Variants in SIPA1L3 observed in about 807,000 individuals in gnomAD.
SIPA1L3 encodes the protein signal-induced proliferation-associated 1-like protein 3.
SIPA1L3 carries 59 observed loss-of-function variants against 150.1 expected under a neutral mutation model. The observed-to-expected ratio is 0.39, with a 90% CI of 0.32 to 0.49. The LOEUF (loss-of-function observed/expected upper bound fraction) is 0.49. Ranked by LOEUF, SIPA1L3 falls within the 20% of genes least tolerant of loss-of-function variation. The pLI, the probability that SIPA1L3 is intolerant of heterozygous loss-of-function variation, is 0.86. For missense variants in SIPA1L3, 2,211 were observed against 2,489.5 expected (o/e 0.89, Z 2.38); for synonymous variants, 1,070 against 1,077.6 (o/e 0.99, Z 0.14).
intron 1 of SIPA1L3, among the ~76,000 whole-genome samples, chr19:37,931,090 C>G (rs8113521): frequency 0.38 from 57,551 of 152,040 alleles, 13,727 homozygotes; most frequent in East Asian, 0.71. Context: ...AATTTAAACT[C>G]TGACCTGAGC....
At chr19:38,087,549 G>T (rs370383317) in intron 3 of SIPA1L3, among the ~76,000 whole-genome samples, 1 of 152,080 alleles carries the variant, frequency 6.6e-6, no homozygotes, top group African/African-American at 2.4e-5. Context: ...GACCGCTGGC[G>T]GATACCCACA....
intron 10 of SIPA1L3, among the ~76,000 whole-genome samples, chr19:38,135,971 A>T (rs148662631): frequency 5.3e-5 from 8 of 151,942 alleles, no homozygotes; most frequent in Non-Finnish European, 1.2e-4. Context: ...CGCTGACCCC[A>T]TGCTCTCAGA....
At chr19:38,163,701 A>G (rs950759132) in intron 14 of SIPA1L3, among the ~76,000 whole-genome samples, 4 of 152,076 alleles carry the variant, frequency 2.6e-5, no homozygotes, top group East Asian at 1.9e-4. Flanking sequence ...AGTGCCCAGT[A>G]TGTTCCGAGA....
intron 13 of SIPA1L3, among the ~76,000 whole-genome samples, chr19:38,157,700 A>G (rs1296131665): frequency 1.3e-5 from 2 of 152,148 alleles, no homozygotes; most frequent in Non-Finnish European, 2.9e-5. Context: ...GAACTAGGGG[A>G]CAGGATCAGG....
At chr19:37,938,078 A>G (rs943119176) in intron 1 of SIPA1L3, among the ~76,000 whole-genome samples, 1 of 152,110 alleles carries the variant, frequency 6.6e-6, no homozygotes, top group Non-Finnish European at 1.5e-5. Flanking sequence ...TATACTGTAC[A>G]TAGTTTTCTG....
intron 1 of SIPA1L3, among the ~76,000 whole-genome samples, chr19:37,967,378 CG>C (rs1447224059): frequency 2.6e-5 from 4 of 151,898 alleles, no homozygotes; most frequent in African/African-American, 9.7e-5. Context: ...CTCAGCCTCC[CG>C]AGTAGCTGGG....
At chr19:38,151,086 C>A (rs1315739482) in intron 12 of SIPA1L3, among the ~76,000 whole-genome samples, 1 of 152,200 alleles carries the variant, frequency 6.6e-6, no homozygotes, top group Non-Finnish European at 1.5e-5. Flanking sequence ...GTCTTACCTG[C>A]AGCCTGGTAG....
At chr19:38,141,734 A>G (rs1971591088) in intron 11 of SIPA1L3, among the ~76,000 whole-genome samples, 1 of 152,148 alleles carries the variant, frequency 6.6e-6, no homozygotes, top group Admixed American at 6.5e-5. Flanking sequence ...TGTAATCCCA[A>G]CATTTTGGGA....
At chr19:38,073,497 T>C (rs1969768622) in intron 2 of SIPA1L3, among the ~76,000 whole-genome samples, 1 of 152,208 alleles carries the variant, frequency 6.6e-6, no homozygotes, top group African/African-American at 2.4e-5. Flanking sequence ...TTTGCTGCTG[T>C]CTCCCAGGCT....
At chr19:38,050,317 G>C (rs539392687) in intron 2 of SIPA1L3, among the ~76,000 whole-genome samples, 1 of 152,026 alleles carries the variant, frequency 6.6e-6, no homozygotes, top group African/African-American at 2.4e-5. Flanking sequence ...TTAGCCCGAC[G>C]TGGTGGCGCA....
intron 6 of SIPA1L3, among the ~76,000 whole-genome samples, chr19:38,105,701 T>G (rs1317680898): frequency 6.6e-6 from 1 of 152,192 alleles, no homozygotes; most frequent in Non-Finnish European, 1.5e-5. Context: ...TGTCAGCATC[T>G]TTCACTCAAC....
Position 38,082,594 on chromosome 19 carries a change from C to T in SIPA1L3, c.1029C>T (p.Phe343=). 2 of 1,604,068 alleles carry T rather than the reference C, an allele frequency of 1.2e-6. No homozygotes were observed. The highest frequency in any genetic ancestry group is 8.5e-7 in the Non-Finnish European group (1 of 1,179,698). The part of the protein sequence containing the change: ...PWVCQKSFAH[F]DVQSMLFDLN... ...TGTGTCAGAAGAGCTTCGCCCACTT[C>T]GACGTGCAGAGCATGCTGTTCGACC... is the stretch of plus-strand genomic sequence containing the variant. Residue 343 remains phenylalanine (F), a synonymous_variant, in exon 3 of 22, where the codon TTC becomes TTT. Transcript: ENST00000222345.
intron 2 of SIPA1L3, among the ~76,000 whole-genome samples, chr19:38,059,025 CAAAAAA>C (rs74176410): frequency 2.2e-5 from 2 of 90,846 alleles, no homozygotes; most frequent in African/African-American, 4.0e-5. Context: ...AACTCTGTCT[CAAAAAA>C]AAAAAAAAAA....
intron 1 of SIPA1L3, among the ~76,000 whole-genome samples, chr19:37,983,713 C>T (rs1360354061): frequency 1.3e-5 from 2 of 151,946 alleles, no homozygotes; most frequent in African/African-American, 4.8e-5. Flanking sequence ...CGAGACCATC[C>T]TGGGCAACAT....
intron 13 of SIPA1L3, among the ~76,000 whole-genome samples, chr19:38,161,125 C>T (rs917127184): frequency 6.6e-6 from 1 of 151,684 alleles, no homozygotes; most frequent in Non-Finnish European, 1.5e-5. Context: ...GGGTGGATCA[C>T]GAGGTCAGGA....
intron 1 of SIPA1L3, among the ~76,000 whole-genome samples, chr19:37,990,859 G>T (rs1465368365): frequency 1.8e-4 from 27 of 152,190 alleles, no homozygotes; most frequent in Admixed American, 1.7e-3. Context: ...AGTGGCATTG[G>T]TACTGTTGTT....
chr19:37,944,667 C>T (rs1488553395), intron 1 of SIPA1L3, among the ~76,000 whole-genome samples: 2 of 152,122 alleles, frequency 1.3e-5, no homozygotes, highest in Admixed American at 1.3e-4. Flanking sequence ...TGAAATTACC[C>T]TTAAGTCAAA....
At chr19:37,960,492 C>T (rs924235667) in intron 1 of SIPA1L3, among the ~76,000 whole-genome samples, 2 of 151,874 alleles carry the variant, frequency 1.3e-5, no homozygotes, top group African/African-American at 4.8e-5. Flanking sequence ...CAAGCTCCGC[C>T]TGCTGGGTTC....
rs145613038 is a variant in SIPA1L3, at chr19:37,969,295, T to G, written c.-378-59794T>G. Reference sequence around the variant, plus strand: ...GGCCAGGTGTGGTGGCTCACGTCTGTAATCCCAGCACTTTGGGAGGCCAAG... The same window carrying G: ...GGCCAGGTGTGGTGGCTCACGTCTGGAATCCCAGCACTTTGGGAGGCCAAG... On this transcript the variant is annotated intron_variant, in intron 1 of 21. Coordinates refer to ENST00000222345, the MANE Select transcript of SIPA1L3 (RefSeq NM_015073.3). Among the ~76,000 whole-genome samples the G allele has an allele frequency of 7.0e-4, 107 of 152,228 alleles. 1 individual carries two copies. In the East Asian group the frequency reaches 0.017, roughly 24 times the overall value.
Sources: gnomAD v4.1 joint callset for allele counts (sites outside exome capture counted in the v4.1 genomes callset) on GRCh38, gnomAD v4.1.1 for gene constraint, MANE v1.5 for transcripts, NCBI Gene and HGNC (gene_info 2026-07-23, HGNC 2026-07-21) for gene names.